Variants in PLA2G4C observed in about 807,000 individuals in gnomAD.
PLA2G4C encodes phospholipase A2 group IVC, also known as cytosolic phospholipase A2 gamma.
PLA2G4C carries 64 observed loss-of-function variants against 73.8 expected under a neutral mutation model. The observed-to-expected ratio is 0.87, with a 90% CI of 0.71 to 1.07. The LOEUF is 1.07. PLA2G4C is among the 50% of genes least tolerant of loss of function. The probability of loss-of-function intolerance (pLI) is 0.00; values close to 1 mark genes in which losing one functional copy is unlikely to be tolerated. For synonymous variants in PLA2G4C, 254 were observed against 252.1 expected, an observed-to-expected ratio of 1.01 and a Z score of -0.07; for missense variants, 622 against 665.4, an observed-to-expected ratio of 0.93 and a Z score of 0.72.
At chr19:48,054,239 T>C (rs1021166666) in intron 15 of PLA2G4C, among the ~76,000 whole-genome samples, 2 of 152,104 alleles carry the variant, frequency 1.3e-5, no homozygotes, top group Middle Eastern at 3.2e-3. Flanking sequence ...AATTGAAGCA[T>C]GGAAGTGGTT....
In PLA2G4C at chr19:48,095,583, G is replaced by A. The variant is rs755393129; in HGVS notation, c.590C>T (p.Pro197Leu). The A allele has an allele frequency of 6.2e-7, 1 of 1,614,054 alleles. No individual in the cohort carries two copies. The highest frequency in any genetic ancestry group is 2.2e-5 in the East Asian group (1 of 44,886). ...RAPETWFEFTPHHAGFSALGA... is the reference protein window; with the variant it reads ...RAPETWFEFTLHHAGFSALGA... Reference sequence around the variant, plus strand: ...CAGTGCAGAGAAGCCAGCGTGGTGAGGGGTGAACTCGAACCAGGTCTCTGC... The same window carrying A: ...CAGTGCAGAGAAGCCAGCGTGGTGAAGGGTGAACTCGAACCAGGTCTCTGC... The change falls in exon 7 of 17, where the codon CCT becomes CTT. Residue 197 changes from proline (P) to leucine (L), a missense_variant. Pro to Leu is a moderately conservative substitution (Grantham distance 98). Transcript: ENST00000599921.
intron 7 of PLA2G4C, among the ~76,000 whole-genome samples, chr19:48,093,955 C>T (rs1413157646): frequency 6.6e-6 from 1 of 152,166 alleles, no homozygotes; most frequent in Non-Finnish European, 1.5e-5. Flanking sequence ...TCCCTTTCAC[C>T]TTCTGCCATG....
chr19:48,088,867 G>A (rs2031134857), intron 8 of PLA2G4C, among the ~76,000 whole-genome samples, 155 bp from the exon 9 acceptor site: 1 of 152,206 alleles, frequency 6.6e-6, no homozygotes, highest in Admixed American at 6.5e-5. Flanking sequence ...AGCCAATTTT[G>A]CACCTCTCTT....
intron 2 of PLA2G4C, among the ~76,000 whole-genome samples, chr19:48,105,927 C>CTT (rs2032192082): frequency 8.5e-4 from 12 of 14,182 alleles, no homozygotes; most frequent in South Asian, 3.4e-3. Context: ...CCCTCCCTCC[C>CTT]TCCCTCCCTC....
chr19:48,095,446 T>G lies in PLA2G4C; in HGVS notation c.709+18A>C, dbSNP rs767526181. On this transcript the variant is annotated intron_variant, in intron 7 of 16. Coordinates refer to ENST00000599921, the MANE Select transcript of PLA2G4C (RefSeq NM_003706.3). ...CACTTCCCACCCCCTTTTAATCCCC[T>G]CTGACCCCAGCGCTGACCTCTCAGG... is the stretch of plus-strand genomic sequence containing the variant. The G allele has an allele frequency of 1.9e-6, 3 of 1,613,134 alleles. No individual in the cohort carries two copies. The South Asian group carries it at 3.3e-5, about 18-fold the overall frequency.
chr19:48,099,636 C>A, intron 5 of PLA2G4C, 35 bp downstream of exon 5: 1 of 1,542,850 alleles, frequency 6.5e-7, no homozygotes, highest in Non-Finnish European at 8.9e-7. Flanking sequence ...CTTGCTCCTA[C>A]CCCCACCCCA....
At position 48,067,841 on chromosome 19, in the gene PLA2G4C, C is replaced by CA; in HGVS notation, c.1051dup (p.Cys351LeufsTer76). 6.2e-7 allele frequency: 1 copy of CA among 1,613,922 alleles called. No individual in the cohort carries two copies. Among genetic ancestry groups the CA allele is most frequent in the Non-Finnish European group, 8.5e-7 (1 of 1,179,812 alleles). On this transcript the variant is annotated frameshift_variant, in exon 13 of 17. Transcript: ENST00000599921. LOFTEE classifies it high-confidence loss of function. ...GGTCCCCCATTCCCACTTTGAAGCGCAAATGCCTGTTTTCTTCACAAAATC... is the reference window on the plus strand; with the variant it reads ...GGTCCCCCATTCCCACTTTGAAGCGCAAAATGCCTGTTTTCTTCACAAAATC...
At position 48,055,023 on chromosome 19, in the gene PLA2G4C, G is replaced by C. The variant is rs1409051417; in HGVS notation, c.1284C>G (p.Cys428Trp). Residue 428 changes from cysteine (C) to tryptophan (W), a missense_variant, in exon 15 of 17, where the codon TGC becomes TGG. Cys to Trp is a radical substitution (Grantham distance 215). Transcript: ENST00000599921. ...GGGGAAAGGGGATCTTGTGGCGGCG[G>C]CAGTAGTCAGTGGTAGCCCGGATGG... ...FETIRATTDY[C>W]RRHKIPFPQV... 6.2e-7 allele frequency: 1 copy of C among 1,611,936 alleles called. No homozygotes were observed. The highest frequency in any genetic ancestry group is 1.1e-5 in the South Asian group (1 of 90,794).
intron 7 of PLA2G4C, among the ~76,000 whole-genome samples, chr19:48,090,775 G>T (rs1444643548): frequency 6.6e-6 from 1 of 152,148 alleles, no homozygotes; most frequent in Non-Finnish European, 1.5e-5. Context: ...CTCCCTTGCA[G>T]CTAGGGGACG....
At chr19:48,062,234 T>C (rs1968212491) in intron 13 of PLA2G4C, 82 bp from the exon 14 acceptor site, 2 of 1,232,054 alleles carry the variant, frequency 1.6e-6, no homozygotes, top group Middle Eastern at 2.0e-4. Flanking sequence ...GAGAGGGGGA[T>C]GGGAAAATGA....
At chr19:48,097,401 C>T (rs1389195947) in intron 6 of PLA2G4C, among the ~76,000 whole-genome samples, 5 of 150,160 alleles carry the variant, frequency 3.3e-5, no homozygotes, top group Non-Finnish European at 7.4e-5. Flanking sequence ...TACAGGCGCC[C>T]GCCGCCACGC....
intron 14 of PLA2G4C, 58 bp downstream of exon 14, chr19:48,061,940 C>A: frequency 6.4e-7 from 1 of 1,574,140 alleles, no homozygotes; most frequent in South Asian, 1.1e-5. Flanking sequence ...TCCGCAAAGT[C>A]AGCTTCGCCG....
intron 14 of PLA2G4C, among the ~76,000 whole-genome samples, chr19:48,060,460 A>G (rs568699790): frequency 2.0e-5 from 3 of 152,144 alleles, no homozygotes; most frequent in Non-Finnish European, 2.9e-5. Flanking sequence ...TTTTCTTCCT[A>G]TTACTCTTGC....
chr19:48,048,152 G>A lies in PLA2G4C; in HGVS notation c.*191C>T, dbSNP rs1045376. The A allele has an allele frequency of 0.053, 29,351 of 552,968 alleles. 947 individuals carry two copies. Among genetic ancestry groups the A allele is most frequent in the East Asian group, 0.11 (3,127 of 29,160 alleles). The allele number at this position is 552,968 out of a possible 1,614,324, so 34.3% of individuals were successfully genotyped here. On this transcript the variant is annotated 3_prime_UTR_variant, in exon 17 of 17. Transcript: ENST00000599921. ...TTTCACCACCTTCAGCTCCTTGGAC[G>A]CCTTCTTCTGAATGACGCTATCAAA...
chr19:48,093,467 A>G (rs2031414176), intron 7 of PLA2G4C, among the ~76,000 whole-genome samples: 1 of 152,040 alleles, frequency 6.6e-6, no homozygotes, highest in Non-Finnish European at 1.5e-5. Context: ...ATGCTCAGAG[A>G]GAGAGAGAGA....
intron 14 of PLA2G4C, among the ~76,000 whole-genome samples, chr19:48,059,127 T>C (rs1392945909): frequency 6.6e-6 from 1 of 151,728 alleles, no homozygotes; most frequent in Non-Finnish European, 1.5e-5. Context: ...AAAAATTAGC[T>C]GGGTGTGGTG....
At chr19:48,071,015 G>T (rs777844317) in intron 12 of PLA2G4C, among the ~76,000 whole-genome samples, 1 of 152,020 alleles carries the variant, frequency 6.6e-6, no homozygotes, top group Non-Finnish European at 1.5e-5. Context: ...AATATCTCTA[G>T]TTAGATAGAT....
At chr19:48,109,170 T>A (rs1262342708) in intron 1 of PLA2G4C, among the ~76,000 whole-genome samples, 1 of 144,480 alleles carries the variant, frequency 6.9e-6, no homozygotes, top group Non-Finnish European at 1.5e-5. Context: ...AAGACCCCCC[T>A]TATGAAATTA....
At chr19:48,108,265 G>T (rs558719485) in intron 1 of PLA2G4C, among the ~76,000 whole-genome samples, 17 of 152,136 alleles carry the variant, frequency 1.1e-4, no homozygotes, top group Admixed American at 2.6e-4. Flanking sequence ...CTCCTGGGTT[G>T]CTGGGACTAC....
Sources: allele counts gnomAD v4.1 joint callset (sites outside exome capture counted in the v4.1 genomes callset), GRCh38; gene constraint gnomAD v4.1.1; transcripts MANE v1.5; gene names NCBI Gene and HGNC (gene_info 2026-07-23, HGNC 2026-07-21).